Variants in EYS observed in about 807,000 individuals in gnomAD.
EYS encodes the protein EGF-like photoreceptor maintenance factor.
Under a neutral mutation model 282.1 loss-of-function variants are expected in EYS, and 250 were observed. The observed-to-expected ratio is 0.89, with a 90% CI of 0.80 to 0.98. The LOEUF (loss-of-function observed/expected upper bound fraction) is 0.98. Ranked by LOEUF, EYS falls within the 50% of genes least tolerant of loss-of-function variation. EYS has a pLI of 0.00. For missense variants in EYS, 4,016 were observed against 3,709.0 expected, an observed-to-expected ratio of 1.08 and a Z score of -2.15; for synonymous variants, 1,355 against 1,282.9, an observed-to-expected ratio of 1.06 and a Z score of -1.20.
intron 8 of EYS, among the ~76,000 whole-genome samples, chr6:65,379,584 C>T (rs1765532385): frequency 6.6e-6 from 1 of 151,976 alleles, no homozygotes. Flanking sequence ...TCTCACCACT[C>T]CTGTTCAACA....
chr6:64,874,423 C>A (rs1047512251), intron 19 of EYS, among the ~76,000 whole-genome samples: 1 of 152,010 alleles, frequency 6.6e-6, no homozygotes, highest in African/African-American at 2.4e-5. Flanking sequence ...GTAAGGATTT[C>A]CATACTTTAA....
chr6:65,288,969 A>G (rs1434681562), intron 12 of EYS, among the ~76,000 whole-genome samples: 1 of 151,040 alleles, frequency 6.6e-6, no homozygotes, highest in East Asian at 1.9e-4. Context: ...AATTGGACAG[A>G]CAAAATAATC....
chr6:64,341,620 C>G (rs1479475937), intron 29 of EYS, among the ~76,000 whole-genome samples: 1 of 151,704 alleles, frequency 6.6e-6, no homozygotes, highest in Non-Finnish European at 1.5e-5. Flanking sequence ...CTCCCCTACA[C>G]CCATGTAACA....
At chr6:63,955,402 T>G (rs757347384) in intron 35 of EYS, among the ~76,000 whole-genome samples, 1 of 152,208 alleles carries the variant, frequency 6.6e-6, no homozygotes, top group Non-Finnish European at 1.5e-5. Context: ...AGATCTTCAG[T>G]GGCAAGGTAC....
chr6:64,506,662 C>T (rs147383860), intron 26 of EYS, among the ~76,000 whole-genome samples: 70 of 152,220 alleles, frequency 4.6e-4, no homozygotes, highest in African/African-American at 1.6e-3. Context: ...CATGCAATCC[C>T]AGCACGTTGG....
intron 33 of EYS, among the ~76,000 whole-genome samples, chr6:63,999,423 T>C (rs1238067988): frequency 6.6e-6 from 1 of 152,234 alleles, no homozygotes; most frequent in Non-Finnish European, 1.5e-5. Flanking sequence ...CATGGAATGC[T>C]TTCAGAAAGT....
intron 28 of EYS, among the ~76,000 whole-genome samples, chr6:64,427,714 A>G (rs981097997): frequency 6.6e-6 from 1 of 152,170 alleles, no homozygotes; most frequent in Non-Finnish European, 1.5e-5. Context: ...AAATGAACAT[A>G]GAATGAGAAA....
intron 41 of EYS, among the ~76,000 whole-genome samples, chr6:63,740,028 TAA>T (rs1402409597): frequency 6.6e-6 from 1 of 152,080 alleles, no homozygotes; most frequent in Non-Finnish European, 1.5e-5. Context: ...TTATAGCACT[TAA>T]GATTACATGA....
At chr6:64,192,436 C>T (rs1024531039) in intron 31 of EYS, among the ~76,000 whole-genome samples, 1 of 152,120 alleles carries the variant, frequency 6.6e-6, no homozygotes, top group African/African-American at 2.4e-5. Flanking sequence ...AGCTATACTA[C>T]AAGGCTACAG....
At chr6:64,490,792 A>G (rs530360088) in intron 26 of EYS, among the ~76,000 whole-genome samples, 1 of 150,938 alleles carries the variant, frequency 6.6e-6, no homozygotes, top group South Asian at 2.1e-4. Context: ...TTAACCACAG[A>G]CAAATGGACA....
intron 2 of EYS, among the ~76,000 whole-genome samples, chr6:65,580,799 A>AT (rs1764839106): frequency 6.6e-6 from 1 of 152,070 alleles, no homozygotes; most frequent in Non-Finnish European, 1.5e-5. Context: ...AGAAATTTAT[A>AT]ATGTTAAATA....
At chr6:64,753,526 G>A (rs529749262) in intron 22 of EYS, among the ~76,000 whole-genome samples, 4 of 150,364 alleles carry the variant, frequency 2.7e-5, no homozygotes, top group African/African-American at 7.3e-5. Flanking sequence ...GACAAAAGAG[G>A]TCATCAGATA....
At chr6:63,874,914 C>T (rs1201622256) in intron 35 of EYS, among the ~76,000 whole-genome samples, 1 of 152,148 alleles carries the variant, frequency 6.6e-6, no homozygotes, top group Non-Finnish European at 1.5e-5. Flanking sequence ...ATGTCATCTG[C>T]AAACGGGGAC....
intron 27 of EYS, among the ~76,000 whole-genome samples, chr6:64,437,737 C>CT (rs1015592052): frequency 2.3e-4 from 31 of 136,470 alleles, no homozygotes; most frequent in African/African-American, 6.7e-4. Flanking sequence ...TGAAGGCTAG[C>CT]TTTTTTTTCC....
chr6:63,766,269 T>A (rs1276370751), intron 40 of EYS, among the ~76,000 whole-genome samples: 1 of 152,016 alleles, frequency 6.6e-6, no homozygotes, highest in Non-Finnish European at 1.5e-5. Context: ...AAATAGGTGG[T>A]AGGCCAGATT....
intron 33 of EYS, among the ~76,000 whole-genome samples, chr6:64,023,729 C>A (rs1404005194): frequency 1.3e-5 from 2 of 152,246 alleles, no homozygotes; most frequent in Non-Finnish European, 2.9e-5. Context: ...CCTTTCTGGG[C>A]AGGCCAAGGC....
At chr6:64,127,512 T>C (rs766191724) in intron 31 of EYS, among the ~76,000 whole-genome samples, 41 of 152,276 alleles carry the variant, frequency 2.7e-4, no homozygotes, top group Admixed American at 1.3e-3. Flanking sequence ...TACGGATTTG[T>C]TTATATTGTG....
chr6:64,427,676 G>T (rs1299421008), intron 28 of EYS, among the ~76,000 whole-genome samples: 1 of 151,992 alleles, frequency 6.6e-6, no homozygotes, highest in Non-Finnish European at 1.5e-5. Context: ...AGCAAATATA[G>T]GCTTGACTTT....
intron 31 of EYS, among the ~76,000 whole-genome samples, chr6:64,100,679 T>A (rs1455096358): frequency 6.6e-6 from 1 of 152,186 alleles, no homozygotes. Context: ...GACACTTTCA[T>A]ACTGGCACTT....
Sources: gnomAD v4.1 joint callset for allele counts (sites outside exome capture counted in the v4.1 genomes callset) on GRCh38, gnomAD v4.1.1 for gene constraint, MANE v1.5 for transcripts, NCBI Gene and HGNC (gene_info 2026-07-23, HGNC 2026-07-21) for gene names.